ARHGAP39: variants seen among roughly 807,000 people sequenced by gnomAD.
ARHGAP39 encodes the protein rho GTPase-activating protein 39.
ARHGAP39 carries 44 observed loss-of-function variants against 106.9 expected under a neutral mutation model. The ratio of observed to expected loss-of-function variants is 0.41; its 90% CI spans 0.32 to 0.53. The LOEUF (loss-of-function observed/expected upper bound fraction) is 0.53. ARHGAP39 is among the 20% of genes least tolerant of loss of function. The pLI is 0.21. For missense variants in ARHGAP39, 1,496 were observed against 1,577.3 expected, an observed-to-expected ratio of 0.95 and a Z score of 0.87; for synonymous variants, 768 against 693.2, an observed-to-expected ratio of 1.11 and a Z score of -1.69.
At chr8:144,558,417 C>CAAGT (rs2130863104) in intron 3 of ARHGAP39, among the ~76,000 whole-genome samples, 1 of 152,176 alleles carries the variant, frequency 6.6e-6, no homozygotes, top group South Asian at 2.1e-4. Flanking sequence ...CTCAGCCTCC[C>CAAGT]AAGTAGCTGG....
At chr8:144,602,635 T>TGC (rs1820070692) in intron 2 of ARHGAP39, among the ~76,000 whole-genome samples, 1 of 49,914 alleles carries the variant, frequency 2.0e-5, no homozygotes, top group African/African-American at 4.2e-5. Flanking sequence ...CGTGGAGGCG[T>TGC]GTGTGTGCTC....
At chr8:144,697,656 AT>A in the ARHGAP39 span, among the ~76,000 whole-genome samples, 1 of 151,622 alleles carries the variant, frequency 6.6e-6, no homozygotes, top group African/African-American at 2.4e-5. Context: ...TGCCCAGCTA[AT>A]TTTTTTGTAT....
chr8:144,638,404 A>C (rs547217311), intron 1 of ARHGAP39, among the ~76,000 whole-genome samples: 1 of 152,364 alleles, frequency 6.6e-6, no homozygotes, highest in Non-Finnish European at 1.5e-5. Context: ...TTCATCAGTT[A>C]CAAAATATCC....
intron 3 of ARHGAP39, among the ~76,000 whole-genome samples, chr8:144,560,554 A>T (rs138349379): frequency 2.6e-4 from 39 of 152,390 alleles, no homozygotes; most frequent in African/African-American, 8.7e-4. Flanking sequence ...ATATGCCGAG[A>T]TGGAAAACCA....
chr8:144,542,957 G>A (rs1250619416), intron 6 of ARHGAP39, among the ~76,000 whole-genome samples: 1 of 150,028 alleles, frequency 6.7e-6, no homozygotes, highest in Admixed American at 6.6e-5. Flanking sequence ...CAAAAAAAAA[G>A]GGGGGTCTTG....
chr8:144,638,298 G>C (rs995331342), intron 1 of ARHGAP39, among the ~76,000 whole-genome samples: 1 of 152,168 alleles, frequency 6.6e-6, no homozygotes, highest in Non-Finnish European at 1.5e-5. Context: ...GGTCTTTGGT[G>C]TTTTGGAGCT....
the ARHGAP39 span, among the ~76,000 whole-genome samples, chr8:144,696,960 CT>C: frequency 6.6e-6 from 1 of 152,104 alleles, no homozygotes. Flanking sequence ...TTAATTAAGG[CT>C]TTAAATACCT....
chr8:144,630,683 A>T (rs1353778433), intron 1 of ARHGAP39, among the ~76,000 whole-genome samples: 1 of 152,232 alleles, frequency 6.6e-6, no homozygotes, highest in African/African-American at 2.4e-5. Flanking sequence ...AGGTGGCACC[A>T]CTAACCCCAC....
chr8:144,602,256 A>G (rs1586602482), intron 2 of ARHGAP39, among the ~76,000 whole-genome samples: 1 of 84,092 alleles, frequency 1.2e-5, no homozygotes, highest in African/African-American at 4.9e-5. Flanking sequence ...TGTGTGTGTG[A>G]GCTCATGTAC....
At position 144,591,856 on chromosome 8, in the gene ARHGAP39, G is replaced by GCGGCGT. The variant is rs1451017553; in HGVS notation, c.81-10585_81-10580dup. 6.6e-6 allele frequency among the ~76,000 whole-genome samples: 1 copy of GCGGCGT among 152,200 alleles called. No homozygotes were observed. The highest frequency in any genetic ancestry group is 1.5e-5 in the Non-Finnish European group (1 of 68,016). Reference sequence around the variant, plus strand: ...GTGCCAGGGCGGCTTCCCCTGGATGGCGGCGTCGCCTCGTCGCCTCGTGCC... The same window carrying GCGGCGT: ...GTGCCAGGGCGGCTTCCCCTGGATGGCGGCGTCGGCGTCGCCTCGTCGCCTCGTGCC... On this transcript the variant is annotated intron_variant, in intron 2 of 11. Coordinates refer to ENST00000377307, the MANE Select transcript of ARHGAP39 (RefSeq NM_025251.3). This position sits in a 1 kb window ranked among gnomAD's most constrained non-coding sequence, Gnocchi z 5.3.
chr8:144,556,302 A>C (rs1214250768), intron 3 of ARHGAP39, among the ~76,000 whole-genome samples: 1 of 151,790 alleles, frequency 6.6e-6, no homozygotes, highest in Non-Finnish European at 1.5e-5. Flanking sequence ...AAAAAAAAAA[A>C]AAAGAAATAC....
intron 1 of ARHGAP39, among the ~76,000 whole-genome samples, chr8:144,660,700 G>C (rs1193000743): frequency 6.6e-6 from 1 of 151,964 alleles, no homozygotes; most frequent in Non-Finnish European, 1.5e-5. Flanking sequence ...TTTTTAAAAG[G>C]CTGGGTGGGT....
intron 10 of ARHGAP39, 87 bp from the exon 11 acceptor site, chr8:144,530,958 G>C (rs1315318807): frequency 6.8e-7 from 1 of 1,464,146 alleles, no homozygotes; most frequent in Non-Finnish European, 9.1e-7. Flanking sequence ...GCATGGAGGG[G>C]TGCTGTGGGG....
At chr8:144,696,386 G>A in the ARHGAP39 span, among the ~76,000 whole-genome samples, 4 of 152,132 alleles carry the variant, frequency 2.6e-5, no homozygotes, top group Admixed American at 1.3e-4. Flanking sequence ...TGATCCACCC[G>A]CCTTGGCCTC....
chr8:144,685,250 C>G, intron 1 of ARHGAP39, among the ~76,000 whole-genome samples: 1 of 143,640 alleles, frequency 7.0e-6, no homozygotes, highest in South Asian at 2.3e-4. Flanking sequence ...TGGACAGGGG[C>G]ACACTCACAC....
At chr8:144,597,891 C>T (rs1396393176) in intron 2 of ARHGAP39, among the ~76,000 whole-genome samples, 1 of 152,056 alleles carries the variant, frequency 6.6e-6, no homozygotes, top group Admixed American at 6.6e-5. Context: ...TGCAACGGTA[C>T]CCGGAACAGA....
At chr8:144,573,912 C>A (rs1265478277) in intron 3 of ARHGAP39, among the ~76,000 whole-genome samples, 1 of 152,088 alleles carries the variant, frequency 6.6e-6, no homozygotes, top group Admixed American at 6.5e-5. Context: ...GTGGCTCATG[C>A]CTATAATCCC....
chr8:144,532,164 G>C, intron 10 of ARHGAP39, 141 bp downstream of exon 10: 1 of 730,260 alleles, frequency 1.4e-6, no homozygotes, highest in Non-Finnish European at 2.3e-6. Flanking sequence ...ATGGGCAGAA[G>C]GGAGGATGTG....
At chr8:144,688,662 G>A (rs2095393627), upstream of ARHGAP39, among the ~76,000 whole-genome samples, 1 of 152,178 alleles carries the variant, frequency 6.6e-6, no homozygotes, top group South Asian at 2.1e-4. Context: ...GGTCGAGGCT[G>A]TGGTGAGCTG....
Sources: gnomAD v4.1 joint callset for allele counts (sites outside exome capture counted in the v4.1 genomes callset) on GRCh38, gnomAD v4.1.1 for gene constraint, Gnocchi (gnomAD v3.1) non-coding constraint, MANE v1.5 for transcripts, NCBI Gene and HGNC (gene_info 2026-07-23, HGNC 2026-07-21) for gene names.